The following HS3ST4 variants were observed in gnomAD, a reference collection of about 807,000 sequenced individuals.
HS3ST4 encodes heparan sulfate glucosamine 3-O-sulfotransferase 4.
In HS3ST4, 17 loss-of-function variants were observed where a neutral mutation model predicts 29.2. That is an observed-to-expected ratio of 0.58 (90% CI 0.40 to 0.87). HS3ST4 has a LOEUF of 0.87. HS3ST4 is among the 40% of genes least tolerant of loss of function. The probability of loss-of-function intolerance (pLI) is 0.00; values close to 1 mark genes in which losing one functional copy is unlikely to be tolerated. For missense variants in HS3ST4, 627 were observed against 634.5 expected (o/e 0.99, Z 0.13); for synonymous variants, 314 against 285.7 (o/e 1.10, Z -1.00).
At chr16:26,006,893 T>C (rs1177353330) in intron 1 of HS3ST4, among the ~76,000 whole-genome samples, 1 of 152,226 alleles carries the variant, frequency 6.6e-6, no homozygotes, top group Non-Finnish European at 1.5e-5. Context: ...GGAAGGGCTA[T>C]TATCATTTAA....
chr16:25,948,495 C>T (rs1181991580), intron 1 of HS3ST4, among the ~76,000 whole-genome samples: 2 of 152,092 alleles, frequency 1.3e-5, no homozygotes, highest in Non-Finnish European at 2.9e-5. Flanking sequence ...AAATTCCAGT[C>T]ATACATGGTC....
chr16:25,960,983 G>T (rs9938482), intron 1 of HS3ST4, among the ~76,000 whole-genome samples: 152 of 152,234 alleles, frequency 1.0e-3, no homozygotes, highest in African/African-American at 3.5e-3. Flanking sequence ...TTGAACTATT[G>T]CCTTCTCCTC....
At chr16:25,947,352 T>C (rs1019035762) in intron 1 of HS3ST4, among the ~76,000 whole-genome samples, 1 of 152,162 alleles carries the variant, frequency 6.6e-6, no homozygotes, top group Non-Finnish European at 1.5e-5. Context: ...TAGTCAGTGA[T>C]TGCTGTGATA....
At chr16:25,972,611 A>G (rs1336545741) in intron 1 of HS3ST4, among the ~76,000 whole-genome samples, 1 of 152,226 alleles carries the variant, frequency 6.6e-6, no homozygotes, top group African/African-American at 2.4e-5. Context: ...AGAGCAAGTG[A>G]GAGGACTTGA....
chr16:26,108,377 G>C (rs572078684), intron 1 of HS3ST4, among the ~76,000 whole-genome samples: 1 of 152,262 alleles, frequency 6.6e-6, no homozygotes, highest in Admixed American at 6.5e-5. Context: ...TCAGAATTAG[G>C]AATTAAAGGA....
At chr16:26,037,804 G>A (rs149191484) in intron 1 of HS3ST4, among the ~76,000 whole-genome samples, 1 of 152,270 alleles carries the variant, frequency 6.6e-6, no homozygotes, top group African/African-American at 2.4e-5. Flanking sequence ...TTAAAGAAAG[G>A]GCACAAGAGT....
chr16:25,888,974 A>C (rs775604314), intron 1 of HS3ST4, among the ~76,000 whole-genome samples: 2 of 152,214 alleles, frequency 1.3e-5, no homozygotes, highest in Non-Finnish European at 2.9e-5. Context: ...GCTTCCTTTC[A>C]GAACTGCTGA....
At chr16:25,873,389 T>TCCATCCATCCATCCATCCATCCATCCAC in intron 1 of HS3ST4, among the ~76,000 whole-genome samples, 1 of 137,958 alleles carries the variant, frequency 7.2e-6, no homozygotes, top group Non-Finnish European at 1.6e-5. Flanking sequence ...CATCCATCCA[T>TCCATCCATCCATCCATCCATCCATCCAC]CCATCCATCC....
intron 1 of HS3ST4, among the ~76,000 whole-genome samples, chr16:25,711,640 T>C (rs1966416248): frequency 1.3e-5 from 2 of 152,178 alleles, no homozygotes; most frequent in Admixed American, 6.5e-5. Flanking sequence ...AAAAGTGTTC[T>C]CATGAGTAGA....
intron 1 of HS3ST4, among the ~76,000 whole-genome samples, chr16:25,955,699 G>A (rs1968725153): frequency 6.6e-6 from 1 of 151,978 alleles, no homozygotes; most frequent in Admixed American, 6.6e-5. Flanking sequence ...TATAGGAGTG[G>A]TTGGTGTGTT....
chr16:26,118,884 C>G (rs1212014178), intron 1 of HS3ST4, among the ~76,000 whole-genome samples: 7 of 152,098 alleles, frequency 4.6e-5, no homozygotes, highest in African/African-American at 1.7e-4. Context: ...AAGGGACTTA[C>G]TTTTTGTAAC....
intron 1 of HS3ST4, among the ~76,000 whole-genome samples, chr16:25,968,327 C>T (rs756788529): frequency 5.9e-5 from 9 of 152,226 alleles, no homozygotes; most frequent in East Asian, 3.9e-4. Context: ...ACCTAAAATC[C>T]GGATGTCTGG....
At chr16:26,113,470 A>ATGTGTGTGTGTGTGTGTG (rs55722050) in intron 1 of HS3ST4, among the ~76,000 whole-genome samples, 1 of 132,158 alleles carries the variant, frequency 7.6e-6, no homozygotes, top group African/African-American at 2.9e-5. Flanking sequence ...ACAATATATG[A>ATGTGTGTGTGTGTGTGTG]TGTGTGTGTG....
chr16:26,122,102 C>T (rs1899284039), intron 1 of HS3ST4, among the ~76,000 whole-genome samples: 1 of 151,650 alleles, frequency 6.6e-6, no homozygotes, highest in African/African-American at 2.4e-5. Flanking sequence ...ATCCACGCTA[C>T]CCAACCTGTG....
intron 1 of HS3ST4, among the ~76,000 whole-genome samples, chr16:25,945,878 A>G (rs1968620371): frequency 6.6e-6 from 1 of 152,200 alleles, no homozygotes; most frequent in Non-Finnish European, 1.5e-5. Context: ...TTGATCATTT[A>G]TTGAATTCAT....
intron 1 of HS3ST4, chr16:26,063,014 T>G (rs1269360761): frequency 6.3e-6 from 1 of 159,404 alleles, no homozygotes; most frequent in Non-Finnish European, 1.4e-5. Flanking sequence ...TCTGGAAGCA[T>G]ATGCCTTCTT....
intron 1 of HS3ST4, among the ~76,000 whole-genome samples, chr16:25,979,296 G>C (rs774587252): frequency 6.6e-6 from 1 of 152,166 alleles, no homozygotes; most frequent in African/African-American, 2.4e-5. Context: ...CTCAGGCCAT[G>C]GACCCAACCC....
chr16:25,867,240 A>G (rs114585592), intron 1 of HS3ST4, among the ~76,000 whole-genome samples: 205 of 152,290 alleles, frequency 1.3e-3, no homozygotes, highest in African/African-American at 4.8e-3. Flanking sequence ...TCTTTAGGAA[A>G]TTCCCCAAAG....
At chr16:26,112,543 C>T (rs1369739504) in intron 1 of HS3ST4, among the ~76,000 whole-genome samples, 1 of 151,668 alleles carries the variant, frequency 6.6e-6, no homozygotes, top group African/African-American at 2.4e-5. Context: ...AATTAGACTA[C>T]ATTAACATTA....
Sources: gnomAD v4.1 joint callset for allele counts (sites outside exome capture counted in the v4.1 genomes callset) on GRCh38, gnomAD v4.1.1 for gene constraint, MANE v1.5 for transcripts, NCBI Gene and HGNC (gene_info 2026-07-23, HGNC 2026-07-21) for gene names.